ZBTB7B: variants seen among roughly 807,000 people sequenced by gnomAD.
ZBTB7B encodes the protein zinc finger and BTB domain containing 7B, also known as zinc finger and BTB domain-containing protein 7B.
In ZBTB7B, 8 loss-of-function variants were observed where a neutral mutation model predicts 31.0. That is an observed-to-expected ratio of 0.26 (90% confidence interval 0.15 to 0.47). ZBTB7B has a LOEUF of 0.47. Among genes scored for constraint, ZBTB7B ranks in the 20% least tolerant of loss-of-function variants. ZBTB7B has a pLI of 0.99. For synonymous variants in ZBTB7B, 261 were observed against 307.3 expected (o/e 0.85, Z 1.58); for missense variants, 494 against 742.4 (o/e 0.67, Z 3.89).
rs544047270 is a variant in ZBTB7B at position 155,012,400 on chromosome 1, G to A, written c.-6-2255G>A. 6.6e-4 allele frequency among the ~76,000 whole-genome samples: 100 copies of A among 152,250 alleles called. 1 individual carries two copies. The highest frequency in any genetic ancestry group is 2.1e-3 in the African/African-American group (89 of 41,546). On this transcript the variant is annotated intron_variant, in intron 1 of 2. Transcript: ENST00000535420. ...AGGATCCACTTGGGCCCAGGAGGGT[G>A]CCTACTGCTGCTTAAGTAGCTGCAG...
chr1:155,008,905 C>T (rs115457581), intron 1 of ZBTB7B, among the ~76,000 whole-genome samples: 3 of 151,932 alleles, frequency 2.0e-5, no homozygotes, highest in East Asian at 1.9e-4. Context: ...TACCTCCCCC[C>T]AAGCCTGGCC....
chr1:155,013,976 C>G, intron 1 of ZBTB7B: 1 of 964,898 alleles, frequency 1.0e-6, no homozygotes, highest in Non-Finnish European at 1.2e-6. Context: ...GAGGATGATG[C>G]TTGGAAGCTG....
intron 1 of ZBTB7B, among the ~76,000 whole-genome samples, chr1:155,008,836 T>G (rs1029484648): frequency 1.3e-5 from 2 of 152,054 alleles, no homozygotes; most frequent in Non-Finnish European, 2.9e-5. Context: ...GGGGAGGGGC[T>G]GGGCCAGGTC....
At chr1:155,007,174 A>G (rs1339108995) in intron 1 of ZBTB7B, among the ~76,000 whole-genome samples, 1 of 152,304 alleles carries the variant, frequency 6.6e-6, no homozygotes, top group East Asian at 1.9e-4. Flanking sequence ...CTGTGTACCT[A>G]TGATTGACAT....
At chr1:155,002,392 G>A (rs1045226460), upstream of ZBTB7B, among the ~76,000 whole-genome samples, 3 of 148,618 alleles carry the variant, frequency 2.0e-5, no homozygotes, top group East Asian at 6.0e-4. Flanking sequence ...AAGAAGGAGG[G>A]AAAGGAGGAG....
intron 1 of ZBTB7B, among the ~76,000 whole-genome samples, chr1:155,013,777 C>T (rs1011929352): frequency 4.8e-5 from 7 of 146,630 alleles, no homozygotes; most frequent in Non-Finnish European, 8.9e-5. Flanking sequence ...CTTATCTGTG[C>T]GGGGCAGGAA....
upstream of ZBTB7B, among the ~76,000 whole-genome samples, chr1:155,002,045 G>C (rs1014039018): frequency 7.2e-5 from 11 of 151,746 alleles, no homozygotes; most frequent in African/African-American, 2.4e-4. Flanking sequence ...CCCTACAGAA[G>C]CCCCTCTTGA....
rs1457422152 is a variant in ZBTB7B, at chr1:155,014,657, G to A, written c.-4G>A. 16 of 1,610,350 alleles carry A rather than the reference G, an allele frequency of 9.9e-6. No individual in the cohort carries two copies. Among genetic ancestry groups the A allele is most frequent in the Non-Finnish European group, 1.3e-5 (15 of 1,177,514 alleles). ...CTCCCCTCTACTTGACTCTGCAGGA[G>A]AAGATGGGGAGCCCCGAGGATGACC... On this transcript the variant is annotated splice_region_variant and 5_prime_UTR_variant, in exon 2 of 3. Coordinates refer to ENST00000535420, the MANE Select transcript of ZBTB7B (RefSeq NM_001256455.2).
intron 1 of ZBTB7B, chr1:155,014,001 CA>C (rs1659182483): frequency 6.1e-6 from 6 of 985,080 alleles, no homozygotes; most frequent in Non-Finnish European, 6.0e-6. Flanking sequence ...CTCTTGTTTG[CA>C]TATGTTTTAC....
At chr1:155,014,589 T>C (rs1330152164) in intron 1 of ZBTB7B, 66 bp from the exon 2 acceptor site, 5 of 1,457,174 alleles carry the variant, frequency 3.4e-6, no homozygotes, top group Non-Finnish European at 4.7e-6. Context: ...TGGCTAAAGT[T>C]GGTCCTCTTT....
Position 155,004,667 on chromosome 1 carries a change from CTG to C in ZBTB7B, c.-7+1725_-7+1726del, listed in dbSNP as rs1417646190. ...AGTTAGTGTTCCTCCTTAGTGGTAA[CTG>C]GGGAGAAGGGTAGGGGGCTCCCCCT... On this transcript the variant is annotated intron_variant, in intron 1 of 2. Coordinates refer to ENST00000535420, the MANE Select transcript of ZBTB7B (RefSeq NM_001256455.2). This position sits in a 1 kb window ranked among gnomAD's most constrained non-coding sequence, Gnocchi z 4.0. Among the ~76,000 whole-genome samples the C allele has an allele frequency of 1.3e-5, 2 of 152,080 alleles. No individual in the cohort carries two copies. Among genetic ancestry groups the C allele is most frequent in the African/African-American group, 2.4e-5 (1 of 41,380 alleles).
chr1:155,012,412 T>C (rs1659055706), intron 1 of ZBTB7B, among the ~76,000 whole-genome samples: 1 of 152,080 alleles, frequency 6.6e-6, no homozygotes, highest in African/African-American at 2.4e-5. Flanking sequence ...CTACTGCTGC[T>C]TAAGTAGCTG....
At position 155,011,112 on chromosome 1, in the gene ZBTB7B, C is replaced by T. The variant is rs1658940990; in HGVS notation, c.-6-3543C>T. ...CTGCTAATCCTGGTTCCGCCTGCTGCCCCCCACACTAAGCCTCACTCCCCT... is the reference window on the plus strand; with the variant it reads ...CTGCTAATCCTGGTTCCGCCTGCTGTCCCCCACACTAAGCCTCACTCCCCT... On this transcript the variant is annotated intron_variant, in intron 1 of 2. Coordinates refer to ENST00000535420, the MANE Select transcript of ZBTB7B (RefSeq NM_001256455.2). 4 of 1,111,112 alleles carry T rather than the reference C, an allele frequency of 3.6e-6. No individual in the cohort carries two copies. In the South Asian group the frequency reaches 4.1e-5, roughly 11 times the overall value. The allele number at this position is 1,111,112 out of a possible 1,614,324, so 68.8% of individuals were successfully genotyped here. A position where few individuals can be genotyped will look rare whatever the true frequency, so the allele number is the denominator to read the frequency against.
Position 155,017,380 on chromosome 1 carries a change from G to T in ZBTB7B, c.*695G>T, listed in dbSNP as rs1352530133. 1 of 118,384 alleles carries T rather than the reference G, an allele frequency of 8.4e-6. No individual in the cohort carries two copies. Among genetic ancestry groups the T allele is most frequent in the Non-Finnish European group, 2.0e-5 (1 of 49,822 alleles). 7.3% of individuals were successfully genotyped at this position (118,384 alleles called of 1,614,324 possible). A position where few individuals can be genotyped will look rare whatever the true frequency, so the allele number is the denominator to read the frequency against. On this transcript the variant is annotated 3_prime_UTR_variant, in exon 3 of 3. Transcript: ENST00000535420. ...GTAGAGGGGCCCCGCCCAGCTAGGG[G>T]AGCCGCTCCGTTCCACTCCCCTCCC...
At position 155,015,257 on chromosome 1, in the gene ZBTB7B, C is replaced by T; in HGVS notation, c.597C>T (p.Arg199=). ...PPPPPPRPVA[R]RSRKPRKAFL... ...CACCGCCACCTCGGCCTGTTGCCCG[C>T]CGCAGCCGCAAGCCCCGGAAAGCTT... The change falls in exon 2 of 3, where the codon CGC becomes CGT. Residue 199 remains arginine (R), a synonymous_variant. Coordinates refer to ENST00000535420, the MANE Select transcript of ZBTB7B (RefSeq NM_001256455.2). 1 of 1,613,774 alleles carries T rather than the reference C, an allele frequency of 6.2e-7. No homozygotes were observed. The highest frequency in any genetic ancestry group is 1.1e-5 in the South Asian group (1 of 91,062).
At chr1:155,005,591 C>T (rs922019116) in intron 1 of ZBTB7B, among the ~76,000 whole-genome samples, 6 of 152,244 alleles carry the variant, frequency 3.9e-5, no homozygotes, top group African/African-American at 7.2e-5. Flanking sequence ...GGGCCTGCTG[C>T]GGGGCTTCCT....
rs959784407 is a variant in ZBTB7B at position 155,003,606 on chromosome 1, C to T, written c.-7+663C>T. Among the ~76,000 whole-genome samples the T allele has an allele frequency of 5.3e-5, 8 of 152,170 alleles. No individual in the cohort carries two copies. The highest frequency in any genetic ancestry group is 1.0e-4 in the Non-Finnish European group (7 of 68,022). On this transcript the variant is annotated intron_variant, in intron 1 of 2. Transcript: ENST00000535420. The surrounding 1 kb of genome is among the most constrained non-coding windows in gnomAD (Gnocchi z 5.8). ...ACTCCCTTCCTTCAGGCTCCAGTCCCGCCGCTACCTTTTCCACGCCAGCTC... is the reference window on the plus strand; with the variant it reads ...ACTCCCTTCCTTCAGGCTCCAGTCCTGCCGCTACCTTTTCCACGCCAGCTC...
intron 1 of ZBTB7B, 107 bp from the exon 2 acceptor site, chr1:155,014,547 TG>T: frequency 3.2e-6 from 3 of 941,010 alleles, no homozygotes; most frequent in Non-Finnish European, 4.8e-6. Context: ...CTCAGAAGGG[TG>T]ACTGGCATGC....
Position 155,015,434 on chromosome 1 carries a change from A to G in ZBTB7B, c.774A>G (p.Thr258=). ...SGPGDSYSPP[T]GTASPPEGPQ... ...CGGGGGACAGCTACAGCCCTCCCAC[A>G]GGAACTGCCTCCCCTCCTGAGGGTC... Residue 258 remains threonine (T), a synonymous_variant, in exon 2 of 3, where the codon ACA becomes ACG. Transcript: ENST00000535420. The G allele has an allele frequency of 6.3e-7, 1 of 1,575,034 alleles. No homozygotes were observed. Among genetic ancestry groups the G allele is most frequent in the East Asian group, 2.3e-5 (1 of 44,432 alleles).
Sources: allele counts gnomAD v4.1 joint callset (sites outside exome capture counted in the v4.1 genomes callset), GRCh38; gene constraint gnomAD v4.1.1; non-coding constraint Gnocchi (gnomAD v3.1); transcripts MANE v1.5; gene names NCBI Gene and HGNC (gene_info 2026-07-23, HGNC 2026-07-21).